HEATR1: variants seen among roughly 807,000 people sequenced by gnomAD.
HEATR1 encodes the protein HEAT repeat containing 1.
A neutral mutation model predicts 248.2 loss-of-function variants in HEATR1; 77 were observed. The ratio of observed to expected loss-of-function variants is 0.31; its 90% CI spans 0.26 to 0.37. HEATR1 has a LOEUF of 0.37. HEATR1 is among the 10% of genes least tolerant of loss of function. The pLI is 1.00. For synonymous variants in HEATR1, 897 were observed against 923.1 expected, an observed-to-expected ratio of 0.97 and a Z score of 0.51; for missense variants, 2,420 against 2,504.9, an observed-to-expected ratio of 0.97 and a Z score of 0.72.
At chr1:236,560,212 GCA>G (rs897409629) in intron 33 of HEATR1, among the ~76,000 whole-genome samples, 88 of 151,352 alleles carry the variant, frequency 5.8e-4, no homozygotes, top group Non-Finnish European at 8.3e-4. Context: ...GTGTGTGCGC[GCA>G]CACACACACA....
Position 236,555,439 on chromosome 1 carries a change from T to G in HEATR1, c.5780A>C (p.Asp1927Ala), listed in dbSNP as rs1382956164. 6.2e-7 allele frequency: 1 copy of G among 1,614,134 alleles called. No individual in the cohort carries two copies. Among genetic ancestry groups the G allele is most frequent in the African/African-American group, 1.3e-5 (1 of 74,942 alleles). ...FKLFDWAKTE[D>A]APKDRLLTFY... is the part of the protein sequence containing the mutation. ...TGTCAACAACCTGTCCTTTGGGGCATCTTCTGTTTTAGCCCAATCAAACAG... is the reference window on the plus strand; with the variant it reads ...TGTCAACAACCTGTCCTTTGGGGCAGCTTCTGTTTTAGCCCAATCAAACAG... The change falls in exon 41 of 45, where the codon GAT becomes GCT. Residue 1927 changes from aspartate (D) to alanine (A), a missense_variant. Coordinates refer to ENST00000366582, the MANE Select transcript of HEATR1 (RefSeq NM_018072.6).
In HEATR1 at chr1:236,582,722, G is replaced by C; in HGVS notation, c.2562+14C>G. On this transcript the variant is annotated intron_variant, in intron 19 of 44. Coordinates refer to ENST00000366582, the MANE Select transcript of HEATR1 (RefSeq NM_018072.6). ...TTAAGGGTAGAGTACGCCTGAAAAG[G>C]AGGAGGCTTGTACCTTTATGAAAAG... is the stretch of plus-strand genomic sequence containing the variant. The C allele has an allele frequency of 6.2e-7, 1 of 1,613,672 alleles. No individual in the cohort carries two copies. Among genetic ancestry groups the C allele is most frequent in the Non-Finnish European group, 8.5e-7 (1 of 1,179,576 alleles).
At chr1:236,581,162 C>G in intron 20 of HEATR1, 60 bp downstream of exon 20, 1 of 1,396,856 alleles carries the variant, frequency 7.2e-7, no homozygotes, top group Admixed American at 1.8e-5. Context: ...CTACATAAAC[C>G]ATATAGAGAA....
At chr1:236,574,151 G>A (rs1259371003) in intron 24 of HEATR1, 51 bp downstream of exon 24, 1 of 1,512,814 alleles carries the variant, frequency 6.6e-7, no homozygotes, top group Non-Finnish European at 8.9e-7. Flanking sequence ...GTGTCCCTTG[G>A]AAGAGACTAT....
At chr1:236,603,892 A>G (rs1664395961) in intron 2 of HEATR1, 62 bp downstream of exon 2, 4 of 1,557,358 alleles carry the variant, frequency 2.6e-6, no homozygotes, top group African/African-American at 1.4e-5. Context: ...GAAAAAAAAA[A>G]AACAGTAACA....
intron 3 of HEATR1, among the ~76,000 whole-genome samples, chr1:236,602,306 ACTAG>A (rs1461660069): frequency 6.6e-6 from 1 of 152,210 alleles, no homozygotes; most frequent in African/African-American, 2.4e-5. Flanking sequence ...TCTGCCACTT[ACTAG>A]CTGTGTGACT....
In HEATR1 at chr1:236,587,382, G is replaced by A; in HGVS notation, c.1715+20C>T. On this transcript the variant is annotated intron_variant, in intron 14 of 44. Coordinates refer to ENST00000366582, the MANE Select transcript of HEATR1 (RefSeq NM_018072.6). ...GAACTTCATCAATTCAAAATAGTAT[G>A]AGGAGAAATGAATACATACCATTCT... The A allele has an allele frequency of 2.6e-6, 3 of 1,176,302 alleles. No individual in the cohort carries two copies. Among genetic ancestry groups the A allele is most frequent in the Middle Eastern group, 2.8e-4 (1 of 3,542 alleles). 72.9% of individuals were successfully genotyped at this position (1,176,302 alleles called of 1,614,324 possible).
chr1:236,561,244 A>T lies in HEATR1; in HGVS notation c.4627T>A (p.Leu1543Ile), dbSNP rs1404560163. 9 of 1,610,452 alleles carry T rather than the reference A, an allele frequency of 5.6e-6. No homozygotes were observed. Among genetic ancestry groups the T allele is most frequent in the Non-Finnish European group, 7.6e-6 (9 of 1,176,854 alleles). ...KVVESGGPEI[L>I]KGLEERLLET... The stretch of plus-strand genomic sequence containing the variant: ...ACATACCTCTCTTCAAGGCCTTTTA[A>T]AATCTCAGGACCACCACTCTCAACT... Residue 1543 changes from leucine to isoleucine, a missense_variant, in exon 33 of 45, where the codon TTA becomes ATA. Transcript: ENST00000366582.
chr1:236,562,657 C>T (rs1244736195), intron 32 of HEATR1, among the ~76,000 whole-genome samples: 2 of 152,190 alleles, frequency 1.3e-5, no homozygotes, highest in African/African-American at 4.8e-5. Context: ...AATATCATTT[C>T]TTAAAATGAT....
At chr1:236,580,025 G>A (rs1663668304) in intron 20 of HEATR1, among the ~76,000 whole-genome samples, 1 of 151,466 alleles carries the variant, frequency 6.6e-6, no homozygotes, top group African/African-American at 2.4e-5. Flanking sequence ...TAACATTACA[G>A]TTTGAAGCAT....
chr1:236,563,321 C>T (rs1259940882), intron 32 of HEATR1, among the ~76,000 whole-genome samples: 2 of 151,906 alleles, frequency 1.3e-5, no homozygotes, highest in African/African-American at 4.8e-5. Flanking sequence ...CTCTGTCACC[C>T]AGGTTGGTGG....
chr1:236,550,992 TAAAA>T lies in HEATR1; in HGVS notation c.6347-6_6347-3del. 4.5e-5 allele frequency: 57 copies of T among 1,254,528 alleles called. No homozygotes were observed. The highest frequency in any genetic ancestry group is 2.4e-4 in the Middle Eastern group (1 of 4,152). The allele number at this position is 1,254,528 out of a possible 1,614,324, so 77.7% of individuals were successfully genotyped here. A position where few individuals can be genotyped will look rare whatever the true frequency, so the allele number is the denominator to read the frequency against. Reference sequence around the variant, plus strand: ...GATGTTCTACTTCTTCACATTCATCTAAAAAAAAAAAAAAAAAATCAAAATTAAA... The same window carrying T: ...GATGTTCTACTTCTTCACATTCATCTAAAAAAAAAAAAAATCAAAATTAAA... On this transcript the variant is annotated splice_polypyrimidine_tract_variant and splice_region_variant and intron_variant, in intron 44 of 44. Transcript: ENST00000366582.
chr1:236,580,196 A>G lies in HEATR1; in HGVS notation c.2755+1026T>C, dbSNP rs148785631. On this transcript the variant is annotated intron_variant, in intron 20 of 44. Coordinates refer to ENST00000366582, the MANE Select transcript of HEATR1 (RefSeq NM_018072.6). Reference sequence around the variant, plus strand: ...TTCTGCATCTTTTGCAAAATTTGCAATTCTACATTATAAAAAAACTTAACT... The same window carrying G: ...TTCTGCATCTTTTGCAAAATTTGCAGTTCTACATTATAAAAAAACTTAACT... Among the ~76,000 whole-genome samples, 95 of 152,328 alleles carry G rather than the reference A, an allele frequency of 6.2e-4. 2 individuals are homozygous for G. Among genetic ancestry groups the G allele is most frequent in the Middle Eastern group, 6.8e-3 (2 of 294 alleles).
At chr1:236,586,186 G>C in intron 15 of HEATR1, 55 bp downstream of exon 15, 1 of 1,418,050 alleles carries the variant, frequency 7.1e-7, no homozygotes, top group Non-Finnish European at 9.6e-7. Context: ...AATTTTCCTT[G>C]TTTTCTTTTG....
intron 44 of HEATR1, chr1:236,551,616 T>C (rs2540): frequency 0.61 from 103,362 of 168,318 alleles, 32,790 homozygotes; most frequent in Non-Finnish European, 0.69. Context: ...GACATCCTAC[T>C]GCATCCTTAA....
At position 236,574,706 on chromosome 1, in the gene HEATR1, T is replaced by C. The variant is rs768520219; in HGVS notation, c.3282A>G (p.Glu1094=). 2 of 1,613,932 alleles carry C rather than the reference T, an allele frequency of 1.2e-6. No individual in the cohort carries two copies. The highest frequency in any genetic ancestry group is 2.2e-5 in the East Asian group (1 of 44,876). ...GAATGGTTGGCATTCCCGCGTAAAG[T>C]TCCTTTGTTGTGTGCACAGCTTTTA... ...IFIKAVHTTK[E]LYAGMPTIQI... is the part of the protein sequence containing the mutation. Residue 1094 remains glutamate (E), a synonymous_variant, in exon 23 of 45, where the codon GAA becomes GAG. Coordinates refer to ENST00000366582, the MANE Select transcript of HEATR1 (RefSeq NM_018072.6).
chr1:236,602,986 C>G (rs1023683100), intron 3 of HEATR1, 174 bp downstream of exon 3: 1 of 591,746 alleles, frequency 1.7e-6, no homozygotes, highest in African/African-American at 1.9e-5. Flanking sequence ...TTTTCACTAT[C>G]AACAAAAAAG....
At chr1:236,551,016 A>G in intron 44 of HEATR1, 26 bp from the exon 45 acceptor site, 1 of 1,527,402 alleles carries the variant, frequency 6.5e-7, no homozygotes, top group Non-Finnish European at 8.9e-7. Flanking sequence ...AAAAATCAAA[A>G]TTAAAATCTG....
In HEATR1 at chr1:236,603,283, C is replaced by A; in HGVS notation, c.236G>T (p.Arg79Leu). ...LFSQLAKTLE[R>L]SVQTKAVNKQ... is the part of the protein sequence containing the mutation. ...GTTTACTGCTTTGGTCTGAACACTT[C>A]GCTCCAAGGTTTTTGCTAGCTGACT... The change falls in exon 3 of 45, where the codon CGA (arginine) becomes CTA (leucine). Residue 79 changes from arginine to leucine, a missense_variant. Coordinates refer to ENST00000366582, the MANE Select transcript of HEATR1 (RefSeq NM_018072.6). 6.2e-7 allele frequency: 1 copy of A among 1,614,152 alleles called. No homozygotes were observed. The highest frequency in any genetic ancestry group is 8.5e-7 in the Non-Finnish European group (1 of 1,180,004).
Sources: gnomAD v4.1 joint callset for allele counts (sites outside exome capture counted in the v4.1 genomes callset) on GRCh38, gnomAD v4.1.1 for gene constraint, MANE v1.5 for transcripts, NCBI Gene and HGNC (gene_info 2026-07-23, HGNC 2026-07-21) for gene names.